INSL6: variants seen among roughly 807,000 people sequenced by gnomAD.
INSL6 encodes insulin like 6.
In INSL6, 16 loss-of-function variants were observed where a neutral mutation model predicts 9.4. The ratio of observed to expected loss-of-function variants is 1.70; its 90% CI spans 1.15 to 2.59. The LOEUF is 2.59. Ranked by LOEUF, INSL6 falls within the 30% of genes most tolerant of loss-of-function variation. The pLI is 0.00. For missense variants in INSL6, 391 were observed against 257.3 expected (o/e 1.52, Z -3.56); for synonymous variants, 154 against 96.9 (o/e 1.59, Z -3.46).
At chr9:5,022,508 G>A in the INSL6 span, among the ~76,000 whole-genome samples, 3 of 152,092 alleles carry the variant, frequency 2.0e-5, no homozygotes, top group African/African-American at 7.2e-5. Flanking sequence ...ATGACATAAG[G>A]TAATATTAAA....
chr9:5,018,566 T>G, the INSL6 span, among the ~76,000 whole-genome samples: 1 of 152,182 alleles, frequency 6.6e-6, no homozygotes, highest in East Asian at 1.9e-4. Context: ...CTTGAACTCC[T>G]GGGCTCAAGC....
intron 3 of INSL6, chr9:5,126,616 A>G: frequency 8.7e-7 from 1 of 1,146,416 alleles, no homozygotes; most frequent in South Asian, 1.4e-5. Flanking sequence ...TTGAAAATTA[A>G]TGTCTTCCAC....
chr9:5,014,834 T>A, the INSL6 span, among the ~76,000 whole-genome samples: 1 of 152,200 alleles, frequency 6.6e-6, no homozygotes, highest in Admixed American at 6.5e-5. Flanking sequence ...TGCACCTACA[T>A]ATGTGTTTCT....
chr9:5,150,846 GACACACACACACAC>G (rs59479266), intron 2 of INSL6, among the ~76,000 whole-genome samples: 1 of 146,290 alleles, frequency 6.8e-6, no homozygotes. Context: ...GGATAAAGGA[GACACACACACACAC>G]ACACACACAC....
At chr9:5,132,878 A>G (rs1815314565) in intron 3 of INSL6, 1 of 152,232 alleles carries the variant, frequency 6.6e-6, no homozygotes, top group Non-Finnish European at 1.5e-5. Flanking sequence ...AGAAGATTAC[A>G]ACTTTCAGTT....
At chr9:5,152,307 T>G (rs1262977848) in intron 2 of INSL6, among the ~76,000 whole-genome samples, 1 of 152,172 alleles carries the variant, frequency 6.6e-6, no homozygotes, top group Non-Finnish European at 1.5e-5. Flanking sequence ...ATGGAATAAT[T>G]ACCACAAATT....
At chr9:4,999,746 G>A in the INSL6 span, among the ~76,000 whole-genome samples, 22 of 152,156 alleles carry the variant, frequency 1.4e-4, no homozygotes, top group Non-Finnish European at 2.4e-4. Flanking sequence ...CCCGTGCCTG[G>A]TGTACATCAT....
At position 5,164,036 on chromosome 9, in the gene INSL6, T is replaced by C; in HGVS notation, c.519A>G (p.Gly173=). Residue 173 remains glycine (G), a synonymous_variant, in exon 2 of 2, where the codon GGA becomes GGG. Coordinates refer to ENST00000381641, the MANE Select transcript of INSL6 (RefSeq NM_007179.3). ...CTGTAAGACAACACTTTTCTGAATA[T>C]CCTCTGCGTTTTCTTTGGGGATGAT... is the stretch of plus-strand genomic sequence containing the variant. The part of the protein sequence containing the change: ...WGHHPQRKRR[G]YSEKCCLTGC... The C allele has an allele frequency of 6.2e-7, 1 of 1,613,718 alleles. No homozygotes were observed.
chr9:5,055,450 T>C, the INSL6 span, among the ~76,000 whole-genome samples: 3 of 152,024 alleles, frequency 2.0e-5, no homozygotes, highest in Admixed American at 6.6e-5. Context: ...ACATTTTAGA[T>C]TCCTGGCATC....
chr9:5,151,065 A>T (rs1824703637), intron 2 of INSL6, among the ~76,000 whole-genome samples: 1 of 152,158 alleles, frequency 6.6e-6, no homozygotes, highest in Non-Finnish European at 1.5e-5. Context: ...ATGACAGACA[A>T]TGGAAATGCA....
At chr9:5,030,474 G>C in the INSL6 span, among the ~76,000 whole-genome samples, 2 of 151,984 alleles carry the variant, frequency 1.3e-5, no homozygotes. Context: ...ATTTTTCTAA[G>C]CATTTATATA....
the INSL6 span, among the ~76,000 whole-genome samples, chr9:5,044,983 T>G: frequency 6.6e-6 from 1 of 152,188 alleles, no homozygotes; most frequent in Non-Finnish European, 1.5e-5. Flanking sequence ...TATAGGAAGG[T>G]GACTGGATGT....
At chr9:5,126,329 T>G (rs1823994132) in intron 3 of INSL6, 2 of 1,585,276 alleles carry the variant, frequency 1.3e-6, no homozygotes, top group Admixed American at 1.8e-5. Context: ...TGGGTTTGTT[T>G]TAGGAATTTA....
the INSL6 span, among the ~76,000 whole-genome samples, chr9:5,116,060 A>C: frequency 1.8e-4 from 28 of 152,080 alleles, no homozygotes; most frequent in African/African-American, 6.3e-4. Context: ...AGTATAATAA[A>C]ATTTAAAAAA....
At chr9:5,167,209 C>T in intron 1 of INSL6, among the ~76,000 whole-genome samples, 1 of 152,168 alleles carries the variant, frequency 6.6e-6, no homozygotes, top group Non-Finnish European at 1.5e-5. Context: ...TTGTGCTACC[C>T]CTCCCTGAAA....
chr9:5,163,496 C>G (rs1333690127), downstream of INSL6, among the ~76,000 whole-genome samples: 1 of 152,116 alleles, frequency 6.6e-6, no homozygotes, highest in Non-Finnish European at 1.5e-5. Context: ...GTAGTTGATT[C>G]GTTATTTTTA....
chr9:5,163,534 T>C (rs1053372594), downstream of INSL6, among the ~76,000 whole-genome samples: 4 of 152,166 alleles, frequency 2.6e-5, no homozygotes, highest in Non-Finnish European at 4.4e-5. Context: ...GGTCGACATC[T>C]TGGAGTAAGT....
At chr9:5,074,614 C>T in the INSL6 span, among the ~76,000 whole-genome samples, 16 of 152,312 alleles carry the variant, frequency 1.1e-4, no homozygotes, top group East Asian at 1.9e-3. Flanking sequence ...ATGAGCCATT[C>T]CTCTGTCTCT....
intron 3 of INSL6, among the ~76,000 whole-genome samples, chr9:5,125,277 A>G (rs924744038): frequency 2.0e-5 from 3 of 151,038 alleles, no homozygotes; most frequent in Non-Finnish European, 4.5e-5. Context: ...TTATTTTATA[A>G]AATTAAGGTC....
Sources: gnomAD v4.1 joint callset for allele counts (sites outside exome capture counted in the v4.1 genomes callset) on GRCh38, gnomAD v4.1.1 for gene constraint, MANE v1.5 for transcripts, NCBI Gene and HGNC (gene_info 2026-07-23, HGNC 2026-07-21) for gene names.